KIAA1549L: variants seen among roughly 807,000 people sequenced by gnomAD.
The protein encoded by KIAA1549L is KIAA1549 like, also known as UPF0606 protein KIAA1549L.
A neutral mutation model predicts 160.7 loss-of-function variants in KIAA1549L; 88 were observed. The ratio of observed to expected loss-of-function variants is 0.55; its 90% CI spans 0.46 to 0.65. The LOEUF is 0.65. KIAA1549L is among the 30% of genes least tolerant of loss of function. The pLI is 0.00. For synonymous variants in KIAA1549L, 950 were observed against 976.7 expected, an observed-to-expected ratio of 0.97 and a Z score of 0.51; for missense variants, 2,258 against 2,437.5, an observed-to-expected ratio of 0.93 and a Z score of 1.55.
At chr11:33,487,952 T>C (rs907247234) in intron 1 of KIAA1549L, among the ~76,000 whole-genome samples, 2 of 152,198 alleles carry the variant, frequency 1.3e-5, no homozygotes, top group African/African-American at 4.8e-5. Context: ...TGTCCTCCCT[T>C]TCCCATCCCT....
chr11:33,657,966 A>G (rs1007209257), intron 18 of KIAA1549L, among the ~76,000 whole-genome samples: 3 of 152,054 alleles, frequency 2.0e-5, no homozygotes, highest in African/African-American at 4.8e-5. Context: ...CCTCTCTCCC[A>G]TTGGGCTAAT....
intron 1 of KIAA1549L, among the ~76,000 whole-genome samples, chr11:33,380,725 C>T (rs1850057359): frequency 6.6e-6 from 1 of 151,992 alleles, no homozygotes; most frequent in Non-Finnish European, 1.5e-5. Flanking sequence ...ATCTGGGTAC[C>T]ACTGCATTGG....
intron 16 of KIAA1549L, among the ~76,000 whole-genome samples, chr11:33,635,104 C>T (rs1028330739): frequency 6.6e-5 from 10 of 152,182 alleles, no homozygotes; most frequent in Non-Finnish European, 8.8e-5. Flanking sequence ...TCTCTCTGCT[C>T]CTGTACCATC....
intron 1 of KIAA1549L, among the ~76,000 whole-genome samples, chr11:33,457,861 C>G (rs1300185420): frequency 6.6e-6 from 1 of 152,206 alleles, no homozygotes; most frequent in Non-Finnish European, 1.5e-5. Context: ...TTGTATGTCT[C>G]CATGGGACAG....
At chr11:33,596,410 G>T (rs969881651) in intron 12 of KIAA1549L, among the ~76,000 whole-genome samples, 7 of 152,096 alleles carry the variant, frequency 4.6e-5, no homozygotes, top group African/African-American at 1.4e-4. Flanking sequence ...ATTGTTTCAG[G>T]ATCAAATGAG....
intron 6 of KIAA1549L, among the ~76,000 whole-genome samples, chr11:33,557,959 T>TG (rs138687908): frequency 0.072 from 10,945 of 152,060 alleles, 1,337 homozygotes; most frequent in African/African-American, 0.25. Flanking sequence ...CTTCCACTTA[T>TG]GGGAAAAAGT....
chr11:33,623,893 C>A (rs1851025375), intron 16 of KIAA1549L, among the ~76,000 whole-genome samples: 1 of 152,162 alleles, frequency 6.6e-6, no homozygotes, highest in Non-Finnish European at 1.5e-5. Flanking sequence ...CTGCCTGCAT[C>A]TTCTCTCTGA....
chr11:33,546,265 G>C (rs1052413054), intron 3 of KIAA1549L, among the ~76,000 whole-genome samples: 3 of 152,172 alleles, frequency 2.0e-5, no homozygotes, highest in Admixed American at 6.5e-5. Context: ...ATGAAATTAG[G>C]CATAACAAAA....
intron 1 of KIAA1549L, among the ~76,000 whole-genome samples, chr11:33,384,800 G>A (rs1850140012): frequency 6.6e-6 from 1 of 151,996 alleles, no homozygotes; most frequent in South Asian, 2.1e-4. Flanking sequence ...TTAAAAATTG[G>A]ATTGTTTTCT....
Position 33,542,499 on chromosome 11 carries a change from C to T in KIAA1549L, c.936C>T (p.Ile312=), listed in dbSNP as rs375987859. The T allele has an allele frequency of 1.2e-6, 2 of 1,613,222 alleles. No homozygotes were observed. The highest frequency in any genetic ancestry group is 1.3e-5 in the African/African-American group (1 of 74,896). Reference sequence around the variant, plus strand: ...AAAATGCCCAGGATCTCATAGGCATCCCTCATCTAGGTGTTTCTGGATCCT... The same window carrying T: ...AAAATGCCCAGGATCTCATAGGCATTCCTCATCTAGGTGTTTCTGGATCCT... ...ASQNAQDLIG[I]PHLGVSGSST... The change falls in exon 2 of 21, where the codon ATC becomes ATT. Residue 312 remains isoleucine (I), a synonymous_variant. Coordinates refer to ENST00000658780, the MANE Select transcript of KIAA1549L (RefSeq NM_012194.3).
At chr11:33,609,682 G>A (rs1368880834) in intron 14 of KIAA1549L, 67 bp from the exon 15 acceptor site, 6 of 1,282,426 alleles carry the variant, frequency 4.7e-6, no homozygotes, top group African/African-American at 1.5e-5. Flanking sequence ...ATAACCTCCT[G>A]GTGAAAGTCT....
chr11:33,511,836 T>A (rs1255677448), intron 1 of KIAA1549L, among the ~76,000 whole-genome samples: 2 of 152,194 alleles, frequency 1.3e-5, no homozygotes, highest in East Asian at 3.8e-4. Flanking sequence ...CTTTCCCACC[T>A]GTAAAATGGG....
chr11:33,603,539 G>A (rs945762526), intron 13 of KIAA1549L, among the ~76,000 whole-genome samples: 8 of 152,304 alleles, frequency 5.3e-5, no homozygotes, highest in Admixed American at 1.3e-4. Context: ...GGGCACGATG[G>A]CTCACGCCTG....
At chr11:33,398,691 C>T (rs545949284) in intron 1 of KIAA1549L, among the ~76,000 whole-genome samples, 208 of 152,324 alleles carry the variant, frequency 1.4e-3, no homozygotes, top group Non-Finnish European at 1.8e-3. Flanking sequence ...CCCATAGCCC[C>T]AAGAGTCTAA....
chr11:33,616,462 C>T (rs1297410058), intron 15 of KIAA1549L, among the ~76,000 whole-genome samples: 1 of 152,212 alleles, frequency 6.6e-6, no homozygotes, highest in Non-Finnish European at 1.5e-5. Flanking sequence ...GCCTGAATCA[C>T]ATGCCTACCC....
chr11:33,508,173 A>G (rs1157969342), intron 1 of KIAA1549L, among the ~76,000 whole-genome samples: 2 of 152,228 alleles, frequency 1.3e-5, no homozygotes, highest in Non-Finnish European at 2.9e-5. Flanking sequence ...TAATTCCCAC[A>G]TAAAACCTCT....
intron 16 of KIAA1549L, among the ~76,000 whole-genome samples, chr11:33,641,102 G>A (rs1958975760): frequency 6.6e-6 from 1 of 152,240 alleles, no homozygotes; most frequent in Non-Finnish European, 1.5e-5. Flanking sequence ...TCTCATATCT[G>A]AAAATGGACA....
At chr11:33,441,673 A>T (rs926675178) in intron 1 of KIAA1549L, among the ~76,000 whole-genome samples, 1 of 152,166 alleles carries the variant, frequency 6.6e-6, no homozygotes, top group Non-Finnish European at 1.5e-5. Context: ...ATGGCCAGTG[A>T]TGATGAGCAT....
chr11:33,595,255 C>A (rs1850167340), intron 12 of KIAA1549L, among the ~76,000 whole-genome samples: 2 of 152,172 alleles, frequency 1.3e-5, no homozygotes, highest in African/African-American at 4.8e-5. Flanking sequence ...GAGACAGAGT[C>A]TCATTCTGTT....
Sources: gnomAD v4.1 joint callset for allele counts (sites outside exome capture counted in the v4.1 genomes callset) on GRCh38, gnomAD v4.1.1 for gene constraint, MANE v1.5 for transcripts, NCBI Gene and HGNC (gene_info 2026-07-23, HGNC 2026-07-21) for gene names.